Variants in RBFOX3 observed in about 807,000 individuals in gnomAD.
The protein encoded by RBFOX3 is RNA binding protein fox-1 homolog 3.
A neutral mutation model predicts 48.7 loss-of-function variants in RBFOX3; 17 were observed. The observed-to-expected ratio is 0.35, with a 90% confidence interval of 0.24 to 0.52. The LOEUF (loss-of-function observed/expected upper bound fraction) is 0.52. Ranked by LOEUF, RBFOX3 falls within the 20% of genes least tolerant of loss-of-function variation. RBFOX3 has a pLI of 0.94. For synonymous variants in RBFOX3, 212 were observed against 209.5 expected (o/e 1.01, Z -0.10); for missense variants, 382 against 497.5 (o/e 0.77, Z 2.21).
At chr17:79,279,241 G>A (rs988734094) in intron 3 of RBFOX3, among the ~76,000 whole-genome samples, 1 of 152,154 alleles carries the variant, frequency 6.6e-6, no homozygotes, top group Admixed American at 6.5e-5. Context: ...AGCAGGAGGT[G>A]TCTCTGCTTC....
At chr17:79,550,251 T>G (rs1453284207) in intron 1 of RBFOX3, among the ~76,000 whole-genome samples, 1 of 152,196 alleles carries the variant, frequency 6.6e-6, no homozygotes, top group Non-Finnish European at 1.5e-5. Flanking sequence ...TCAAAGCTTA[T>G]GTAGCTTTGA....
At chr17:79,619,336 T>TTGAAATCAAGGTGTCAG in the RBFOX3 span, among the ~76,000 whole-genome samples, 2 of 152,146 alleles carry the variant, frequency 1.3e-5, no homozygotes, top group Non-Finnish European at 2.9e-5. Context: ...GGCCAGGTGT[T>TTGAAATCAAGGTGTCAG]TGAAATCAAG....
chr17:79,620,626 CACACACGCACACGCACACACACGG>C, the RBFOX3 span, among the ~76,000 whole-genome samples: 66 of 35,562 alleles, frequency 1.9e-3, no homozygotes, highest in African/African-American at 4.0e-3. Context: ...CACGCACATG[CACACACGCACACGCACACACACGG>C]ACATGCACAC....
At chr17:79,464,275 G>T (rs75340694) in intron 2 of RBFOX3, among the ~76,000 whole-genome samples, 312 of 152,376 alleles carry the variant, frequency 2.0e-3, no homozygotes, top group African/African-American at 7.3e-3. Context: ...TCTTCCAACG[G>T]ACAGAGAAAA....
intron 1 of RBFOX3, among the ~76,000 whole-genome samples, chr17:79,563,758 G>A (rs967239315): frequency 1.3e-5 from 2 of 152,168 alleles, no homozygotes; most frequent in Admixed American, 6.5e-5. Flanking sequence ...CCCACTGGCC[G>A]GGAGTCTAGG....
chr17:79,120,667 T>C lies in RBFOX3; in HGVS notation c.-33-4919A>G, dbSNP rs1217972471. ...GTGGGTGTGTGGATGCACGGATGAA[T>C]GGATGGGTGGATGGTTGGATGGATA... On this transcript the variant is annotated intron_variant, in intron 4 of 14. Transcript: ENST00000693108. 3.5e-5 allele frequency among the ~76,000 whole-genome samples: 4 copies of C among 113,386 alleles called. No homozygotes were observed. In the South Asian group the frequency reaches 1.3e-3, roughly 37 times the overall value. The allele number at this position is 113,386 out of a possible 152,430, so 74.4% of individuals were successfully genotyped here.
At chr17:79,397,135 C>A (rs1172143417) in intron 2 of RBFOX3, among the ~76,000 whole-genome samples, 2 of 152,310 alleles carry the variant, frequency 1.3e-5, no homozygotes, top group Admixed American at 1.3e-4. Flanking sequence ...CGCGGACAGG[C>A]AGGATTTCCT....
At chr17:79,405,263 A>G (rs911149184) in intron 2 of RBFOX3, among the ~76,000 whole-genome samples, 3 of 152,110 alleles carry the variant, frequency 2.0e-5, no homozygotes, top group Non-Finnish European at 4.4e-5. Flanking sequence ...GCTGCATCAC[A>G]CATCTGAGCC....
the RBFOX3 span, among the ~76,000 whole-genome samples, chr17:79,635,573 T>C: frequency 6.6e-6 from 1 of 152,132 alleles, no homozygotes; most frequent in Non-Finnish European, 1.5e-5. Context: ...GTGTAAAACA[T>C]AGAAGACATT....
At chr17:79,191,817 T>A (rs1005209542) in intron 4 of RBFOX3, among the ~76,000 whole-genome samples, 8 of 151,852 alleles carry the variant, frequency 5.3e-5, no homozygotes, top group African/African-American at 1.9e-4. Context: ...CAGATAAGAG[T>A]TCCTTTCTCA....
At chr17:79,147,447 A>G (rs1023446616) in intron 4 of RBFOX3, among the ~76,000 whole-genome samples, 8 of 152,194 alleles carry the variant, frequency 5.3e-5, no homozygotes, top group Admixed American at 4.6e-4. Flanking sequence ...GCCTTCCCCC[A>G]ACCCCTCCGG....
At chr17:79,169,106 G>A (rs1429999416) in intron 4 of RBFOX3, among the ~76,000 whole-genome samples, 3 of 151,846 alleles carry the variant, frequency 2.0e-5, no homozygotes, top group Admixed American at 2.0e-4. Context: ...GCTGCACAGG[G>A]CGGATCCGTG....
chr17:79,312,155 G>T (rs1390154160), intron 2 of RBFOX3, among the ~76,000 whole-genome samples: 2 of 152,136 alleles, frequency 1.3e-5, no homozygotes, highest in Non-Finnish European at 2.9e-5. Context: ...ACAACGAGGT[G>T]GGGCTGCATC....
intron 1 of RBFOX3, among the ~76,000 whole-genome samples, chr17:79,510,100 C>T (rs1041919133): frequency 6.6e-6 from 1 of 152,210 alleles, no homozygotes; most frequent in African/African-American, 2.4e-5. Context: ...ACTCTGCCAA[C>T]AGCCCGGCCC....
chr17:79,405,377 A>C (rs1395535457), intron 2 of RBFOX3, among the ~76,000 whole-genome samples: 3 of 150,044 alleles, frequency 2.0e-5, no homozygotes, highest in African/African-American at 7.4e-5. Flanking sequence ...CAGCGAGTTT[A>C]TCATCAACTA....
At position 79,097,699 on chromosome 17, in the gene RBFOX3, G is replaced by C; in HGVS notation, c.615C>G (p.Phe205Leu). 2.0e-6 allele frequency: 3 copies of C among 1,486,254 alleles called. No homozygotes were observed. The highest frequency in any genetic ancestry group is 2.7e-6 in the Non-Finnish European group (3 of 1,103,142). 92.1% of individuals were successfully genotyped at this position (1,486,254 alleles called of 1,614,324 possible). Residue 205 changes from phenylalanine to leucine, a missense_variant, in exon 10 of 15, where the codon TTC becomes TTG. Transcript: ENST00000693108. ...CCCCGCCCCAGCTTTTACCTGCATA[G>C]AATTCAGGCCCGTAGACTGCGCCGA... is the stretch of plus-strand genomic sequence containing the variant. ...PVVGAVYGPE[F>L]YAVTGFPYPT...
chr17:79,163,727 C>G (rs930766200), intron 4 of RBFOX3, among the ~76,000 whole-genome samples: 19 of 145,632 alleles, frequency 1.3e-4, no homozygotes, highest in African/African-American at 4.4e-4. Context: ...CTGGCTGATG[C>G]GGAAGCTTTG....
rs898767353 is a variant in RBFOX3 at position 79,199,358 on chromosome 17, C to T, written c.-34+36408G>A. On this transcript the variant is annotated intron_variant, in intron 4 of 14. Coordinates refer to ENST00000693108, the MANE Select transcript of RBFOX3 (RefSeq NM_001350451.2). This position sits in a 1 kb window ranked among gnomAD's most constrained non-coding sequence, Gnocchi z 5.1. Reference sequence around the variant, plus strand: ...TTCTTCTTCCAGCAGGTGGGAGGGTCAGACTCAGAGGAGGGAGCATTCCCA... The same window carrying T: ...TTCTTCTTCCAGCAGGTGGGAGGGTTAGACTCAGAGGAGGGAGCATTCCCA... Among the ~76,000 whole-genome samples the T allele has an allele frequency of 6.6e-6, 1 of 152,188 alleles. No individual in the cohort carries two copies. The highest frequency in any genetic ancestry group is 1.5e-5 in the Non-Finnish European group (1 of 68,024).
intron 1 of RBFOX3, among the ~76,000 whole-genome samples, chr17:79,524,605 G>A (rs982268970): frequency 6.6e-5 from 10 of 152,294 alleles, no homozygotes; most frequent in African/African-American, 1.9e-4. Context: ...AGAACTGGGG[G>A]CTGGATTCTG....
Sources: allele counts gnomAD v4.1 joint callset (sites outside exome capture counted in the v4.1 genomes callset), GRCh38; gene constraint gnomAD v4.1.1; non-coding constraint Gnocchi (gnomAD v3.1); transcripts MANE v1.5; gene names NCBI Gene and HGNC (gene_info 2026-07-23, HGNC 2026-07-21).